The following PKN2 variants were observed in gnomAD, a reference collection of about 807,000 sequenced individuals.
The protein encoded by PKN2 is protein kinase N2, also known as serine/threonine-protein kinase N2.
A neutral mutation model predicts 119.1 loss-of-function variants in PKN2; 38 were observed. The observed-to-expected ratio is 0.32, with a 90% CI of 0.25 to 0.42. The LOEUF is 0.42. Among genes scored for constraint, PKN2 ranks in the 10% least tolerant of loss-of-function variants. PKN2 has a pLI of 1.00. For missense variants in PKN2, 850 were observed against 1,165.1 expected, an observed-to-expected ratio of 0.73 and a Z score of 3.94; for synonymous variants, 390 against 384.9, an observed-to-expected ratio of 1.01 and a Z score of -0.15.
intron 1 of PKN2, among the ~76,000 whole-genome samples, chr1:88,737,087 G>A (rs1393721690): frequency 6.6e-6 from 1 of 151,912 alleles, no homozygotes; most frequent in African/African-American, 2.4e-5. Flanking sequence ...GAGGGAAGGG[G>A]TGGAGCAGGC....
At chr1:88,826,179 C>G (rs993314755) in intron 18 of PKN2, among the ~76,000 whole-genome samples, 2 of 152,194 alleles carry the variant, frequency 1.3e-5, no homozygotes, top group African/African-American at 4.8e-5. Context: ...AAGACTGTGT[C>G]TTACTCTCGT....
At chr1:88,759,777 T>C (rs1669364322) in intron 2 of PKN2, among the ~76,000 whole-genome samples, 1 of 152,110 alleles carries the variant, frequency 6.6e-6, no homozygotes, top group Non-Finnish European at 1.5e-5. Context: ...AAGAAATGGA[T>C]GAATTCCTGG....
rs372341441 is a variant in PKN2 at position 88,722,791 on chromosome 1, A to C, written c.49-18197A>C. Among the ~76,000 whole-genome samples, 5 of 151,766 alleles carry C rather than the reference A, an allele frequency of 3.3e-5. No homozygotes were observed. The East Asian group carries it at 9.7e-4, about 29-fold the overall frequency. ...GTGCAAGACCCTGTCTCAAAATAAA[A>C]AAAAAAAAAAGAAACGAAAAAAATT... is the stretch of plus-strand genomic sequence containing the variant. On this transcript the variant is annotated intron_variant, in intron 1 of 21. Transcript: ENST00000370521.
At chr1:88,760,445 C>A in intron 3 of PKN2, 69 bp downstream of exon 3, 4 of 889,006 alleles carry the variant, frequency 4.5e-6, no homozygotes, top group Non-Finnish European at 6.7e-6. Context: ...TATAAATTTA[C>A]CTATTCAATA....
At chr1:88,749,358 T>C (rs1330041553) in intron 2 of PKN2, among the ~76,000 whole-genome samples, 1 of 147,162 alleles carries the variant, frequency 6.8e-6, no homozygotes, top group Non-Finnish European at 1.5e-5. Flanking sequence ...TGAGCCGAGA[T>C]CGAGCCATTG....
intron 15 of PKN2, among the ~76,000 whole-genome samples, chr1:88,808,213 TA>T (rs1215846677): frequency 2.0e-5 from 3 of 152,158 alleles, no homozygotes; most frequent in Admixed American, 1.3e-4. Flanking sequence ...TTTTTCCTTT[TA>T]TTTTTTTTAA....
At chr1:88,700,439 A>C (rs1168258132) in intron 1 of PKN2, among the ~76,000 whole-genome samples, 2 of 152,166 alleles carry the variant, frequency 1.3e-5, no homozygotes, top group Non-Finnish European at 2.9e-5. Context: ...TAAAAAAATT[A>C]CCTGACCTAC....
At chr1:88,801,776 G>A (rs752793154) in intron 8 of PKN2, among the ~76,000 whole-genome samples, 3 of 152,186 alleles carry the variant, frequency 2.0e-5, no homozygotes, top group African/African-American at 7.2e-5. Flanking sequence ...CGTGCCCCTC[G>A]CAAATGGAAC....
rs1246008778 is a variant in PKN2 at position 88,813,678 on chromosome 1, G to A, written c.2224G>A (p.Gly742Ser). The A allele has an allele frequency of 3.7e-6, 6 of 1,607,386 alleles. No homozygotes were observed. The highest frequency in any genetic ancestry group is 2.3e-5 in the East Asian group (1 of 44,426). ...HVCFVMEYAAGGDLMMHIHTD... is the reference protein window; with the variant it reads ...HVCFVMEYAASGDLMMHIHTD... ...TTGCTTTGTAATGGAATATGCTGCC[G>A]GTGGGGACCTAATGATGCACATTCA... The change falls in exon 16 of 22, where the codon GGT becomes AGT. Residue 742 changes from glycine to serine, a missense_variant. Coordinates refer to ENST00000370521, the MANE Select transcript of PKN2 (RefSeq NM_006256.4).
intron 17 of PKN2, 131 bp from the exon 18 acceptor site, chr1:88,824,179 A>G: frequency 3.5e-6 from 2 of 571,344 alleles, no homozygotes; most frequent in Non-Finnish European, 6.2e-6. Flanking sequence ...TTAAATCTCA[A>G]ATCATAACTT....
intron 6 of PKN2, among the ~76,000 whole-genome samples, chr1:88,774,579 A>G (rs1229494033): frequency 2.6e-5 from 4 of 152,024 alleles, no homozygotes; most frequent in East Asian, 3.9e-4. Context: ...AAAACCAGCC[A>G]AATTATATAC....
chr1:88,695,155 C>T (rs1026196850), intron 1 of PKN2, among the ~76,000 whole-genome samples: 1 of 152,046 alleles, frequency 6.6e-6, no homozygotes, highest in South Asian at 2.1e-4. Context: ...AAATGTCTGT[C>T]AGACGTCTTT....
chr1:88,714,403 C>G (rs572999250), intron 1 of PKN2, among the ~76,000 whole-genome samples: 137 of 152,254 alleles, frequency 9.0e-4, no homozygotes, highest in African/African-American at 2.7e-3. Context: ...ATTGATTCTT[C>G]CTATCCATGA....
intron 8 of PKN2, among the ~76,000 whole-genome samples, chr1:88,798,732 AG>A (rs1203306082): frequency 1.3e-5 from 2 of 152,250 alleles, no homozygotes; most frequent in African/African-American, 4.8e-5. Flanking sequence ...AAGGATTAGA[AG>A]GAATGGGGCA....
intron 1 of PKN2, among the ~76,000 whole-genome samples, chr1:88,707,903 AT>A (rs1200320418): frequency 4.6e-5 from 7 of 152,136 alleles, no homozygotes; most frequent in Non-Finnish European, 1.0e-4. Context: ...TATGTAACTT[AT>A]ATTCAAATTA....
At chr1:88,758,268 TC>T (rs1315730338) in intron 2 of PKN2, among the ~76,000 whole-genome samples, 2 of 152,130 alleles carry the variant, frequency 1.3e-5, no homozygotes, top group African/African-American at 4.8e-5. Context: ...ATGAAATTCA[TC>T]TTTAAATGGC....
rs543554122 is a variant in PKN2 at position 88,772,568 on chromosome 1, A to G, written c.985+689A>G. On this transcript the variant is annotated intron_variant, in intron 6 of 21. Transcript: ENST00000370521. ...GAATACTCAACCTATACTATATTTGATTGACCTATTTGTCAGAGCATATGA... is the reference window on the plus strand; with the variant it reads ...GAATACTCAACCTATACTATATTTGGTTGACCTATTTGTCAGAGCATATGA... 2.0e-5 allele frequency among the ~76,000 whole-genome samples: 3 copies of G among 152,306 alleles called. No homozygotes were observed. The South Asian group carries it at 6.2e-4, about 32-fold the overall frequency.
rs374823726 is a variant in PKN2 at position 88,811,187 on chromosome 1, C to T, written c.2103-2370C>T. On this transcript the variant is annotated intron_variant, in intron 15 of 21. Coordinates refer to ENST00000370521, the MANE Select transcript of PKN2 (RefSeq NM_006256.4). ...TTATGTTTATGTTACTGCAATGCCT[C>T]CTCACTCAGCTTCCTTTTCTTACCA... Among the ~76,000 whole-genome samples the T allele has an allele frequency of 2.6e-5, 4 of 152,250 alleles. No individual in the cohort carries two copies. The East Asian group carries it at 7.7e-4, about 29-fold the overall frequency.
At chr1:88,748,765 T>C (rs1477970833) in intron 2 of PKN2, among the ~76,000 whole-genome samples, 9 of 105,238 alleles carry the variant, frequency 8.6e-5, no homozygotes, top group South Asian at 4.0e-4. Flanking sequence ...TGAAACTTCA[T>C]CTCCACAAAA....
Sources: gnomAD v4.1 joint callset for allele counts (sites outside exome capture counted in the v4.1 genomes callset) on GRCh38, gnomAD v4.1.1 for gene constraint, MANE v1.5 for transcripts, NCBI Gene and HGNC (gene_info 2026-07-23, HGNC 2026-07-21) for gene names.